The following PSMD1 variants were observed in gnomAD, a reference collection of about 807,000 sequenced individuals.
The protein encoded by PSMD1 is proteasome 26S subunit, non-ATPase 1.
Under a neutral mutation model 119.0 loss-of-function variants are expected in PSMD1, and 18 were observed. The observed-to-expected ratio is 0.15, with a 90% CI of 0.10 to 0.22. The LOEUF (loss-of-function observed/expected upper bound fraction) is 0.22. Ranked by LOEUF, PSMD1 falls within the 10% of genes least tolerant of loss-of-function variation. PSMD1 has a pLI of 1.00. For missense variants in PSMD1, 702 were observed against 1,158.5 expected, an observed-to-expected ratio of 0.61 and a Z score of 5.72; for synonymous variants, 374 against 396.6, an observed-to-expected ratio of 0.94 and a Z score of 0.68.
intron 16 of PSMD1, among the ~76,000 whole-genome samples, chr2:231,135,214 C>T (rs1647434402): frequency 6.6e-6 from 1 of 152,138 alleles, no homozygotes; most frequent in Non-Finnish European, 1.5e-5. Flanking sequence ...TTTAGAATAA[C>T]TTTTCAATAG....
intron 17 of PSMD1, among the ~76,000 whole-genome samples, chr2:231,145,506 CA>C (rs1218937614): frequency 2.6e-5 from 4 of 152,084 alleles, no homozygotes; most frequent in African/African-American, 9.7e-5. Flanking sequence ...TAAATGTATA[CA>C]TTTTTTCTTC....
chr2:231,074,348 C>T (rs1413591406), intron 7 of PSMD1, among the ~76,000 whole-genome samples: 1 of 152,046 alleles, frequency 6.6e-6, no homozygotes, highest in Admixed American at 6.6e-5. Context: ...TCAGGTGATC[C>T]GCTTGCCTCA....
intron 16 of PSMD1, chr2:231,123,967 C>G (rs1695649545): frequency 3.5e-6 from 2 of 566,492 alleles, no homozygotes; most frequent in African/African-American, 3.8e-5. Context: ...GTAAGATATC[C>G]AAGTATTTAT....
chr2:231,151,215 A>G (rs1258944193), intron 18 of PSMD1, among the ~76,000 whole-genome samples: 1 of 152,118 alleles, frequency 6.6e-6, no homozygotes, highest in African/African-American at 2.4e-5. Flanking sequence ...TAACAATGAA[A>G]TTGAGTTAGA....
intron 10 of PSMD1, among the ~76,000 whole-genome samples, 192 bp from the exon 11 acceptor site, chr2:231,079,344 G>T (rs559179942): frequency 6.6e-6 from 1 of 151,860 alleles, no homozygotes; most frequent in East Asian, 1.9e-4. Flanking sequence ...ATTACGTATC[G>T]TGCATTTTAA....
At chr2:231,059,949 G>C (rs987945478) in intron 1 of PSMD1, among the ~76,000 whole-genome samples, 4 of 152,220 alleles carry the variant, frequency 2.6e-5, no homozygotes, top group Non-Finnish European at 5.9e-5. Context: ...CATGTAACCA[G>C]TTAGTCATAA....
chr2:231,161,532 T>G (rs1696639712), intron 20 of PSMD1, 23 bp downstream of exon 20: 1 of 1,593,498 alleles, frequency 6.3e-7, no homozygotes, highest in Non-Finnish European at 8.6e-7. Context: ...GACCTCAGCT[T>G]TGTAGTATTT....
intron 16 of PSMD1, chr2:231,123,413 CA>C: frequency 1.2e-6 from 2 of 1,609,772 alleles, no homozygotes; most frequent in Non-Finnish European, 1.7e-6. Context: ...AAATACTTAC[CA>C]AACATTATTG....
intron 16 of PSMD1, among the ~76,000 whole-genome samples, chr2:231,091,521 G>GTGC (rs1694592679): frequency 6.6e-6 from 1 of 152,186 alleles, no homozygotes; most frequent in South Asian, 2.1e-4. Flanking sequence ...GTACAGATGT[G>GTGC]TGCAGCAGCA....
At chr2:231,143,834 G>T (rs953708401) in intron 17 of PSMD1, among the ~76,000 whole-genome samples, 2 of 152,146 alleles carry the variant, frequency 1.3e-5, no homozygotes, top group African/African-American at 4.8e-5. Flanking sequence ...CTGAAGAATA[G>T]GATATTGGGG....
At chr2:231,075,923 A>T (rs1372232286) in intron 8 of PSMD1, among the ~76,000 whole-genome samples, 1 of 152,156 alleles carries the variant, frequency 6.6e-6, no homozygotes, top group Non-Finnish European at 1.5e-5. Flanking sequence ...TGAGATTGTT[A>T]CTTAATAAAT....
Position 231,094,147 on chromosome 2 carries a change from C to A in PSMD1, c.1883+6966C>A, listed in dbSNP as rs193296514. On this transcript the variant is annotated intron_variant, in intron 16 of 24. Transcript: ENST00000308696. ...TTAACACCTGTTGGAGGGGCGGTGC[C>A]GTCCTCTAGGGTTAACACGTGTTGA... is the stretch of plus-strand genomic sequence containing the variant. Among the ~76,000 whole-genome samples, 411 of 152,072 alleles carry A rather than the reference C, an allele frequency of 2.7e-3. 4 individuals carry two copies. The highest frequency in any genetic ancestry group is 2.6e-3 in the Non-Finnish European group (180 of 67,992).
At chr2:231,126,933 A>G (rs1188953376) in intron 16 of PSMD1, among the ~76,000 whole-genome samples, 1 of 152,096 alleles carries the variant, frequency 6.6e-6, no homozygotes, top group African/African-American at 2.4e-5. Context: ...GTCTCAGCAA[A>G]TAACTAAACC....
chr2:231,141,496 G>C lies in PSMD1; in HGVS notation c.1998+2646G>C, dbSNP rs188019422. Among the ~76,000 whole-genome samples the C allele has an allele frequency of 8.3e-3, 1,202 of 144,696 alleles. 10 individuals carry two copies. The highest frequency in any genetic ancestry group is 0.012 in the Non-Finnish European group (785 of 66,618). 94.9% of individuals were successfully genotyped at this position (144,696 alleles called of 152,430 possible). On this transcript the variant is annotated intron_variant, in intron 17 of 24. Transcript: ENST00000308696. ...CCAGGCTGGAGTACAATGGGGCTAT[G>C]ATAGCTCACTGCAGCCTCAATCTCC...
chr2:231,102,610 G>A (rs1694894721), intron 16 of PSMD1, among the ~76,000 whole-genome samples: 1 of 152,138 alleles, frequency 6.6e-6, no homozygotes, highest in African/African-American at 2.4e-5. Context: ...TCACTATGAA[G>A]TGCAAGCGGA....
At chr2:231,068,197 C>T (rs888000675) in intron 5 of PSMD1, among the ~76,000 whole-genome samples, 2 of 152,052 alleles carry the variant, frequency 1.3e-5, no homozygotes, top group South Asian at 2.1e-4. Context: ...TAAGCTATAT[C>T]GGGACAGGTA....
intron 16 of PSMD1, among the ~76,000 whole-genome samples, chr2:231,092,731 C>T (rs1029411846): frequency 6.6e-6 from 1 of 152,196 alleles, no homozygotes. Context: ...GCTTGTCCTC[C>T]ATGACAGACC....
intron 16 of PSMD1, chr2:231,108,940 A>G: frequency 6.2e-7 from 1 of 1,614,154 alleles, no homozygotes; most frequent in Non-Finnish European, 8.5e-7. Flanking sequence ...TATTTGTAAT[A>G]AAGAAGGGAC....
intron 19 of PSMD1, among the ~76,000 whole-genome samples, chr2:231,158,467 A>G (rs1696561007): frequency 6.6e-6 from 1 of 152,182 alleles, no homozygotes; most frequent in African/African-American, 2.4e-5. Flanking sequence ...AGTTTGTTAA[A>G]CTGCAAATTA....
Sources: gnomAD v4.1 joint callset for allele counts (sites outside exome capture counted in the v4.1 genomes callset) on GRCh38, gnomAD v4.1.1 for gene constraint, MANE v1.5 for transcripts, NCBI Gene and HGNC (gene_info 2026-07-23, HGNC 2026-07-21) for gene names.